Variants in PHACTR3 observed in about 807,000 individuals in gnomAD.
PHACTR3 encodes the protein phosphatase and actin regulator 3, also known as protein phosphatase 1, regulatory subunit 123.
A neutral mutation model predicts 66.8 loss-of-function variants in PHACTR3; 16 were observed. That is an observed-to-expected ratio of 0.24 (90% CI 0.16 to 0.36). The LOEUF (loss-of-function observed/expected upper bound fraction) is 0.36. Ranked by LOEUF, PHACTR3 falls within the 10% of genes least tolerant of loss-of-function variation. PHACTR3 has a pLI of 1.00. For synonymous variants in PHACTR3, 323 were observed against 292.1 expected (o/e 1.11, Z -1.08); for missense variants, 647 against 719.9 (o/e 0.90, Z 1.16).
At chr20:59,679,136 G>A (rs1253616038) in intron 1 of PHACTR3, among the ~76,000 whole-genome samples, 1 of 152,230 alleles carries the variant, frequency 6.6e-6, no homozygotes, top group African/African-American at 2.4e-5. Context: ...AGATGGTGGA[G>A]CAGGAGATTT....
At chr20:59,796,653 T>C (rs995643997) in intron 7 of PHACTR3, among the ~76,000 whole-genome samples, 8 of 152,246 alleles carry the variant, frequency 5.3e-5, no homozygotes, top group Middle Eastern at 6.8e-3. Flanking sequence ...GAGATTTTTT[T>C]CCCCCTCTCT....
chr20:59,656,742 G>T (rs2035632276), intron 1 of PHACTR3, among the ~76,000 whole-genome samples: 1 of 149,558 alleles, frequency 6.7e-6, no homozygotes, highest in Non-Finnish European at 1.5e-5. Context: ...GCTTTATTTG[G>T]CCTTAAATGA....
chr20:59,580,144 G>A (rs1370145604), intron 1 of PHACTR3, among the ~76,000 whole-genome samples: 1 of 152,128 alleles, frequency 6.6e-6, no homozygotes, highest in East Asian at 1.9e-4. Flanking sequence ...CTGAGGCAGA[G>A]AGTGTGGCTG....
intron 1 of PHACTR3, among the ~76,000 whole-genome samples, chr20:59,656,916 T>A (rs1365200980): frequency 6.6e-6 from 1 of 151,998 alleles, no homozygotes; most frequent in Non-Finnish European, 1.5e-5. Context: ...CTGAATAGCA[T>A]GATTTTTTCT....
At chr20:59,753,280 C>T (rs769939115) in intron 3 of PHACTR3, among the ~76,000 whole-genome samples, 8 of 152,200 alleles carry the variant, frequency 5.3e-5, no homozygotes, top group African/African-American at 1.7e-4. Context: ...GCAACTGACG[C>T]GGCTGCATGG....
chr20:59,640,401 G>A (rs1377056830), intron 1 of PHACTR3, among the ~76,000 whole-genome samples: 2 of 152,334 alleles, frequency 1.3e-5, no homozygotes, highest in Middle Eastern at 3.4e-3. Context: ...GCTGGATAGA[G>A]CAAGGCTGGA....
At chr20:59,759,013 C>CGTCATT (rs1490144296) in intron 4 of PHACTR3, among the ~76,000 whole-genome samples, 1 of 152,210 alleles carries the variant, frequency 6.6e-6, no homozygotes, top group Non-Finnish European at 1.5e-5. Context: ...TCGTTGTCAT[C>CGTCATT]GTCATTGTCA....
chr20:59,679,053 C>T (rs1429241990), intron 1 of PHACTR3, among the ~76,000 whole-genome samples: 1 of 152,156 alleles, frequency 6.6e-6, no homozygotes, highest in Non-Finnish European at 1.5e-5. Context: ...AGATGGAGAT[C>T]ACGGCAGAGG....
At chr20:59,788,363 C>CTA (rs1242542032) in intron 7 of PHACTR3, among the ~76,000 whole-genome samples, 15 of 152,264 alleles carry the variant, frequency 9.9e-5, no homozygotes, top group African/African-American at 3.4e-4. Flanking sequence ...ACTTCCCTTA[C>CTA]CCTCAGGCAC....
At chr20:59,787,814 C>T (rs2040963636) in intron 7 of PHACTR3, among the ~76,000 whole-genome samples, 1 of 152,132 alleles carries the variant, frequency 6.6e-6, no homozygotes, top group Non-Finnish European at 1.5e-5. Context: ...CCTCACTTTC[C>T]TCTTTGTGAC....
intron 8 of PHACTR3, among the ~76,000 whole-genome samples, chr20:59,828,567 A>T (rs116745392): frequency 0.072 from 10,973 of 152,216 alleles, 534 homozygotes; most frequent in African/African-American, 0.14. Context: ...GAACAATTGT[A>T]ATAATGGGGG....
intron 1 of PHACTR3, among the ~76,000 whole-genome samples, chr20:59,707,051 G>C (rs137900645): frequency 3.3e-5 from 5 of 152,322 alleles, no homozygotes; most frequent in African/African-American, 9.6e-5. Context: ...AGTCCGACTT[G>C]AGCTGGTGTA....
chr20:59,611,584 A>G (rs2033846714), intron 1 of PHACTR3, among the ~76,000 whole-genome samples: 1 of 152,166 alleles, frequency 6.6e-6, no homozygotes. Context: ...AAGGAGGAGG[A>G]GGAGGAGGAT....
chr20:59,589,453 G>A (rs1355385827), intron 1 of PHACTR3, among the ~76,000 whole-genome samples: 2 of 152,104 alleles, frequency 1.3e-5, no homozygotes, highest in Non-Finnish European at 2.9e-5. Flanking sequence ...TCATTGCTAC[G>A]GCTGCAGAAC....
At position 59,820,151 on chromosome 20, in the gene PHACTR3, A is replaced by G. The variant is rs961563275; in HGVS notation, c.1328+13957A>G. 6.6e-6 allele frequency among the ~76,000 whole-genome samples: 1 copy of G among 152,132 alleles called. No homozygotes were observed. Among genetic ancestry groups the G allele is most frequent in the African/African-American group, 2.4e-5 (1 of 41,432 alleles). ...GCGTGGCACCACCTCCTGCTTCACC[A>G]CTGTGGTGAGGGGTCTGCCTGTGAA... is the stretch of plus-strand genomic sequence containing the variant. On this transcript the variant is annotated intron_variant, in intron 8 of 12. Coordinates refer to ENST00000371015, the MANE Select transcript of PHACTR3 (RefSeq NM_080672.5). The surrounding 1 kb of genome is among the most constrained non-coding windows in gnomAD (Gnocchi z 4.6).
chr20:59,762,315 C>T (rs1445354259), intron 4 of PHACTR3, among the ~76,000 whole-genome samples: 2 of 152,270 alleles, frequency 1.3e-5, no homozygotes, highest in African/African-American at 4.8e-5. Flanking sequence ...GAGACTTACC[C>T]TTTACCCTGT....
At chr20:59,739,688 G>C (rs2039082709) in intron 1 of PHACTR3, among the ~76,000 whole-genome samples, 1 of 152,092 alleles carries the variant, frequency 6.6e-6, no homozygotes, top group African/African-American at 2.4e-5. Context: ...GGAGATTATG[G>C]GGATTATAAT....
chr20:59,632,513 C>A (rs905941974), intron 1 of PHACTR3, among the ~76,000 whole-genome samples: 1 of 152,190 alleles, frequency 6.6e-6, no homozygotes, highest in Non-Finnish European at 1.5e-5. Context: ...CCCAACCCAG[C>A]TGGAGCCTGA....
At chr20:59,651,370 A>G (rs1161630246) in intron 1 of PHACTR3, among the ~76,000 whole-genome samples, 2 of 152,262 alleles carry the variant, frequency 1.3e-5, no homozygotes, top group Non-Finnish European at 2.9e-5. Context: ...TTGGTTGCCA[A>G]AATGGCCTGC....
Sources: allele counts gnomAD v4.1 joint callset (sites outside exome capture counted in the v4.1 genomes callset), GRCh38; gene constraint gnomAD v4.1.1; non-coding constraint Gnocchi (gnomAD v3.1); transcripts MANE v1.5; gene names NCBI Gene and HGNC (gene_info 2026-07-23, HGNC 2026-07-21).